Variants in GYG2 observed in about 807,000 individuals in gnomAD.
The protein encoded by GYG2 is glycogenin 2, also known as glycogenin-2.
In GYG2, 29 loss-of-function variants were observed where a neutral mutation model predicts 29.4. The observed-to-expected ratio is 0.99, with a 90% CI of 0.74 to 1.35. The LOEUF is 1.35. GYG2 is among the 40% of genes most tolerant of loss of function. The pLI is 0.00. For missense variants in GYG2, 370 were observed against 385.7 expected (o/e 0.96, Z 0.34); for synonymous variants, 167 against 172.3 (o/e 0.97, Z 0.24).
intron 9 of GYG2, among the ~76,000 whole-genome samples, chrX:2,876,714 C>T (rs370908664): frequency 3.5e-4 from 38 of 110,019 alleles, no homozygotes; most frequent in African/African-American, 1.2e-3. Flanking sequence ...TTTGGGAGGC[C>T]GAGGCGGGCG....
chrX:2,859,587 A>G (rs1212318187), intron 6 of GYG2, among the ~76,000 whole-genome samples: 3 of 110,860 alleles, frequency 2.7e-5, no homozygotes, highest in African/African-American at 9.8e-5. Flanking sequence ...ATTGATGACT[A>G]TGTTGATAGT....
intron 8 of GYG2, among the ~76,000 whole-genome samples, chrX:2,873,882 G>C (rs1457051882): frequency 1.8e-5 from 2 of 110,444 alleles, no homozygotes; most frequent in East Asian, 5.7e-4. Context: ...TTGAGGTCAG[G>C]AGTTCAAGAC....
In GYG2 at chrX:2,881,311, G is replaced by A. The variant is rs1171668153; in HGVS notation, c.*98G>A. On this transcript the variant is annotated 3_prime_UTR_variant, in exon 11 of 11. Transcript: ENST00000398806. ...TCTGGTCCTTTCAAAGGGAAACGCT[G>A]TTGAACCTTGTGCCTCTATTTATGC... 6 of 700,518 alleles carry A rather than the reference G, an allele frequency of 8.6e-6. No homozygotes were observed. The highest frequency in any genetic ancestry group is 1.2e-5 in the Non-Finnish European group (6 of 486,889). 57.7% of individuals were successfully genotyped at this position (700,518 alleles called of 1,213,427 possible).
At chrX:2,834,926 G>A (rs1410687729) in intron 2 of GYG2, among the ~76,000 whole-genome samples, 1 of 111,777 alleles carries the variant, frequency 8.9e-6, no homozygotes, top group Non-Finnish European at 1.9e-5. Context: ...ATTTTGCCAA[G>A]GTTAAGGACA....
intron 2 of GYG2, among the ~76,000 whole-genome samples, chrX:2,833,085 G>A (rs1173776617): frequency 1.8e-5 from 2 of 111,444 alleles, no homozygotes; most frequent in Non-Finnish European, 3.8e-5. Context: ...CAGACTGGGC[G>A]GCTTAAACAA....
chrX:2,844,069 T>C (rs1004931833), intron 3 of GYG2, among the ~76,000 whole-genome samples: 1 of 112,716 alleles, frequency 8.9e-6, no homozygotes, highest in African/African-American at 3.2e-5. Context: ...ATACATTATG[T>C]AAGCAATAAT....
chrX:2,832,034 A>G (rs1482531998), intron 2 of GYG2, among the ~76,000 whole-genome samples: 4 of 112,599 alleles, frequency 3.6e-5, no homozygotes, highest in Non-Finnish European at 7.5e-5. Context: ...AGCATTGGAT[A>G]ATTGTGGATG....
chrX:2,873,290 T>G (rs1267453320), intron 8 of GYG2, among the ~76,000 whole-genome samples: 4 of 112,209 alleles, frequency 3.6e-5, no homozygotes, highest in Non-Finnish European at 3.8e-5. Flanking sequence ...ATTTTATATT[T>G]GGATTTTACA....
At chrX:2,876,531 T>G (rs2088603787) in intron 9 of GYG2, among the ~76,000 whole-genome samples, 1 of 111,782 alleles carries the variant, frequency 8.9e-6, no homozygotes, top group African/African-American at 3.3e-5. Context: ...CATAAGAACT[T>G]GTAGCATCTC....
chrX:2,846,055 A>ATT (rs374480210), intron 3 of GYG2, among the ~76,000 whole-genome samples: 15 of 38,667 alleles, frequency 3.9e-4, no homozygotes, highest in African/African-American at 1.4e-3. Flanking sequence ...ATATATATAT[A>ATT]TTTTTTTTTT....
chrX:2,853,244 T>C (rs2087906847), intron 3 of GYG2, among the ~76,000 whole-genome samples: 1 of 111,418 alleles, frequency 9.0e-6, no homozygotes, highest in Non-Finnish European at 1.9e-5. Context: ...AGAGTCTCGC[T>C]CTGTTGCCCA....
chrX:2,837,845 ACACACAC>A (rs1293710814), intron 2 of GYG2, among the ~76,000 whole-genome samples: 9 of 53,185 alleles, frequency 1.7e-4, no homozygotes, highest in African/African-American at 6.4e-4. Context: ...AAATACACAC[ACACACAC>A]ACACACACAC....
intron 2 of GYG2, among the ~76,000 whole-genome samples, chrX:2,834,561 G>A (rs1452825490): frequency 9.7e-6 from 1 of 103,249 alleles, no homozygotes; most frequent in Non-Finnish European, 2.0e-5. Context: ...TGGAGCTGTG[G>A]GTGTCTGAGG....
At chrX:2,866,628 A>G (rs1450423452) in intron 8 of GYG2, among the ~76,000 whole-genome samples, 1 of 111,490 alleles carries the variant, frequency 9.0e-6, no homozygotes, top group African/African-American at 3.3e-5. Flanking sequence ...TAGGATGACT[A>G]TAGCCAACAG....
intron 10 of GYG2, among the ~76,000 whole-genome samples, chrX:2,879,157 GTAAT>G (rs1255316829): frequency 9.0e-6 from 1 of 110,960 alleles, no homozygotes; most frequent in Non-Finnish European, 1.9e-5. Flanking sequence ...ACTGCGGCAA[GTAAT>G]TAGAGAAGAA....
At chrX:2,830,758 GA>G (rs765748607) in intron 2 of GYG2, among the ~76,000 whole-genome samples, 3 of 111,394 alleles carry the variant, frequency 2.7e-5, no homozygotes, top group African/African-American at 6.5e-5. Flanking sequence ...ACATCTCTAG[GA>G]AAAAAATTTA....
chrX:2,880,439 T>TGC lies in GYG2; in HGVS notation c.1252-612_1252-611dup, dbSNP rs1555902176. Among the ~76,000 whole-genome samples the TGC allele has an allele frequency of 2.4e-3, 249 of 103,733 alleles. 11 individuals are homozygous for TGC. Among genetic ancestry groups the TGC allele is most frequent in the East Asian group, 5.6e-3 (18 of 3,195 alleles). The allele number at this position is 103,733 out of a possible 115,157, so 90.1% of individuals were successfully genotyped here. On this transcript the variant is annotated intron_variant, in intron 10 of 10. Transcript: ENST00000398806. ...TAGTGTGTGTGTGTGTGTGTGTGTG[T>TGC]GCACATGCGCATGTGTGCATGTGTG... is the stretch of plus-strand genomic sequence containing the variant.
chrX:2,859,102 T>A (rs1024618238), intron 6 of GYG2, among the ~76,000 whole-genome samples: 21 of 111,796 alleles, frequency 1.9e-4, no homozygotes, highest in Admixed American at 1.9e-4. Flanking sequence ...AAAAAATATA[T>A]CTTTATGCAA....
intron 10 of GYG2, among the ~76,000 whole-genome samples, chrX:2,879,806 TAGAA>T (rs1234618591): frequency 1.2e-4 from 13 of 110,712 alleles, no homozygotes; most frequent in African/African-American, 3.9e-4. Flanking sequence ...GATAGATTGA[TAGAA>T]AGTAGATAGG....
Sources: allele counts gnomAD v4.1 joint callset (sites outside exome capture counted in the v4.1 genomes callset), GRCh38; gene constraint gnomAD v4.1.1; transcripts MANE v1.5; gene names NCBI Gene and HGNC (gene_info 2026-07-23, HGNC 2026-07-21).